PLCE1: variants seen among roughly 807,000 people sequenced by gnomAD.
The protein encoded by PLCE1 is phospholipase C epsilon 1.
Under a neutral mutation model 242.8 loss-of-function variants are expected in PLCE1, and 119 were observed. That is an observed-to-expected ratio of 0.49 (90% CI 0.42 to 0.57). The LOEUF is 0.57. PLCE1 is among the 20% of genes least tolerant of loss of function. The pLI is 0.00. For synonymous variants in PLCE1, 945 were observed against 1,017.4 expected (o/e 0.93, Z 1.35); for missense variants, 2,441 against 2,788.8 (o/e 0.88, Z 2.81).
intron 2 of PLCE1, among the ~76,000 whole-genome samples, chr10:94,061,194 T>C (rs1035544966): frequency 1.3e-5 from 2 of 152,164 alleles, no homozygotes; most frequent in Non-Finnish European, 2.9e-5. Flanking sequence ...GAGAGAACTT[T>C]CCACAAAACT....
intron 3 of PLCE1, among the ~76,000 whole-genome samples, chr10:94,151,918 CATTTTTTTCCT>C (rs1164827744): frequency 6.6e-6 from 1 of 152,158 alleles, no homozygotes; most frequent in Non-Finnish European, 1.5e-5. Flanking sequence ...TTGGCATAGT[CATTTTTTTCCT>C]ATTAGAAGTG....
chr10:94,182,425 T>C (rs2048343342), intron 4 of PLCE1, among the ~76,000 whole-genome samples: 1 of 147,396 alleles, frequency 6.8e-6, no homozygotes, highest in Non-Finnish European at 1.5e-5. Flanking sequence ...ACCACCACCC[T>C]TGGATAATTT....
chr10:94,284,051 G>A lies in PLCE1; in HGVS notation c.4917+140G>A, dbSNP rs1002431695. 8.9e-6 allele frequency: 9 copies of A among 1,009,076 alleles called. No individual in the cohort carries two copies. In the African/African-American group the frequency reaches 1.5e-4, roughly 16 times the overall value. The allele number at this position is 1,009,076 out of a possible 1,614,324, so 62.5% of individuals were successfully genotyped here. On this transcript the variant is annotated intron_variant, in intron 21 of 32. Coordinates refer to ENST00000371380, the MANE Select transcript of PLCE1 (RefSeq NM_016341.4). ...TTAGATACCTGCCAAAGTTCACTTG[G>A]TGATATTAAAAGACACCCACCTTCC... is the stretch of plus-strand genomic sequence containing the variant.
At chr10:94,094,155 A>T (rs2045207050) in intron 2 of PLCE1, among the ~76,000 whole-genome samples, 1 of 150,482 alleles carries the variant, frequency 6.6e-6, no homozygotes, top group Admixed American at 6.6e-5. Flanking sequence ...TTTAGCCGGG[A>T]TGGTCTCGAT....
intron 2 of PLCE1, among the ~76,000 whole-genome samples, chr10:94,111,582 G>A (rs2045957325): frequency 1.3e-5 from 2 of 152,140 alleles, no homozygotes; most frequent in South Asian, 2.1e-4. Context: ...TGGCTAGAGA[G>A]CCCCTGCAAG....
chr10:94,236,069 G>T lies in PLCE1; in HGVS notation c.2369G>T (p.Ser790Ile). The change falls in exon 7 of 33, where the codon AGT (serine) becomes ATT (isoleucine). Residue 790 changes from serine to isoleucine, a missense_variant. By Grantham distance (142) the Ser-to-Ile change is moderately radical. Coordinates refer to ENST00000371380, the MANE Select transcript of PLCE1 (RefSeq NM_016341.4). ...SLETDEEDSP[S>I]EGNSSRKSSL... ...GAGACAGACGAGGAGGACAGCCCCAGTGAAGGAAACAGCTCCAGGAAAAGC... is the reference window on the plus strand; with the variant it reads ...GAGACAGACGAGGAGGACAGCCCCATTGAAGGAAACAGCTCCAGGAAAAGC... 6.2e-7 allele frequency: 1 copy of T among 1,614,070 alleles called. No individual in the cohort carries two copies. The highest frequency in any genetic ancestry group is 8.5e-7 in the Non-Finnish European group (1 of 1,179,986).
intron 2 of PLCE1, chr10:94,108,940 A>G (rs776934645): frequency 7.9e-5 from 12 of 152,258 alleles, no homozygotes; most frequent in Admixed American, 2.0e-4. Context: ...ATGTCGTTTC[A>G]TATTTGATAG....
At chr10:94,243,548 G>C (rs1446719370) in intron 7 of PLCE1, among the ~76,000 whole-genome samples, 1 of 152,212 alleles carries the variant, frequency 6.6e-6, no homozygotes, top group East Asian at 1.9e-4. Context: ...GGAAATTTTT[G>C]TGTGAGGTAC....
chr10:94,324,528 T>A lies in PLCE1; in HGVS notation c.6681T>A (p.Gly2227=). 6.2e-7 allele frequency: 1 copy of A among 1,614,108 alleles called. No individual in the cohort carries two copies. The highest frequency in any genetic ancestry group is 8.5e-7 in the Non-Finnish European group (1 of 1,179,996). ...CVFQAQSKWK[G]AGKFILKLKE... ...TTCAAGCCCAAAGCAAGTGGAAAGGTGCAGGAAAATTCATCCTTAAGCTAA... is the reference window on the plus strand; with the variant it reads ...TTCAAGCCCAAAGCAAGTGGAAAGGAGCAGGAAAATTCATCCTTAAGCTAA... The change falls in exon 31 of 33, where the codon GGT becomes GGA. Residue 2227 remains glycine, a synonymous_variant. Coordinates refer to ENST00000371380, the MANE Select transcript of PLCE1 (RefSeq NM_016341.4).
intron 1 of PLCE1, among the ~76,000 whole-genome samples, chr10:94,018,995 A>G (rs1378800272): frequency 6.6e-6 from 1 of 152,244 alleles, no homozygotes; most frequent in Non-Finnish European, 1.5e-5. Flanking sequence ...ATATCAGGAA[A>G]TAATATTTGA....
chr10:94,006,375 TAAGGATCCATGA>T (rs1242982836), intron 1 of PLCE1, among the ~76,000 whole-genome samples: 3 of 152,322 alleles, frequency 2.0e-5, no homozygotes, highest in African/African-American at 7.2e-5. Flanking sequence ...TTTTAGAAGG[TAAGGATCCATGA>T]AAGGTTTCTA....
chr10:94,092,735 A>C (rs1405092523), intron 2 of PLCE1, among the ~76,000 whole-genome samples: 2 of 152,124 alleles, frequency 1.3e-5, no homozygotes, highest in East Asian at 3.9e-4. Context: ...AGAGAAACCC[A>C]CCTAGAAAGC....
intron 3 of PLCE1, among the ~76,000 whole-genome samples, chr10:94,162,934 AGGTTG>A (rs2047666079): frequency 6.6e-6 from 1 of 152,152 alleles, no homozygotes; most frequent in African/African-American, 2.4e-5. Context: ...ATTCAGGAGC[AGGTTG>A]TTCAGTTTCC....
intron 3 of PLCE1, among the ~76,000 whole-genome samples, chr10:94,158,592 ATTGT>A (rs1238028901): frequency 6.6e-6 from 1 of 152,128 alleles, no homozygotes; most frequent in African/African-American, 2.4e-5. Context: ...TATTTACAAG[ATTGT>A]TTATCACGGT....
Position 94,031,819 on chromosome 10 carries a change from C to T in PLCE1, c.773C>T (p.Thr258Ile), listed in dbSNP as rs1199755219. The T allele has an allele frequency of 2.5e-6, 4 of 1,613,576 alleles. No homozygotes were observed. The African/African-American group carries it at 5.3e-5, about 22-fold the overall frequency. The part of the protein sequence containing the change: ...NEQLQCDHCD[T>I]LNDKYFCFEG... ...CAGCTGCAGTGTGATCATTGTGACACCTTGAATGATAAATACTTTTGCTTT... is the reference window on the plus strand; with the variant it reads ...CAGCTGCAGTGTGATCATTGTGACATCTTGAATGATAAATACTTTTGCTTT... The change falls in exon 2 of 33, where the codon ACC (threonine) becomes ATC (isoleucine). Residue 258 changes from threonine to isoleucine, a missense_variant. Thr to Ile is a moderately conservative substitution (Grantham distance 89). Transcript: ENST00000371380.
chr10:94,313,360 A>G lies in PLCE1; in HGVS notation c.6110A>G (p.Lys2037Arg). 2 of 1,614,192 alleles carry G rather than the reference A, an allele frequency of 1.2e-6. No homozygotes were observed. Among genetic ancestry groups the G allele is most frequent in the Non-Finnish European group, 1.7e-6 (2 of 1,180,016 alleles). The part of the protein sequence containing the change: ...FTVFTINGGT[K>R]AKQLLQQILT... ...GTTTTCACTATTAATGGAGGCACCA[A>G]GGCAAAGCAGCTTCTGCAGCAAGTA... The change falls in exon 28 of 33, where the codon AAG becomes AGG. Residue 2037 changes from lysine to arginine, a missense_variant. Coordinates refer to ENST00000371380, the MANE Select transcript of PLCE1 (RefSeq NM_016341.4).
intron 22 of PLCE1, chr10:94,287,604 C>A (rs758900697): frequency 6.6e-6 from 1 of 152,016 alleles, no homozygotes; most frequent in Admixed American, 6.6e-5. Context: ...CCTGTCAGCT[C>A]CCAGGGGTGG....
chr10:94,233,140 CT>C (rs1032011948), intron 5 of PLCE1, among the ~76,000 whole-genome samples: 3 of 152,218 alleles, frequency 2.0e-5, no homozygotes, highest in Non-Finnish European at 4.4e-5. Context: ...GAGGGCCTCT[CT>C]TTAGAAGGTG....
intron 1 of PLCE1, among the ~76,000 whole-genome samples, chr10:93,998,324 G>A (rs561660890): frequency 2.0e-5 from 3 of 152,206 alleles, no homozygotes; most frequent in African/African-American, 4.8e-5. Context: ...GTAGTTTAGC[G>A]TGGCCTCTGC....
Sources: allele counts gnomAD v4.1 joint callset (sites outside exome capture counted in the v4.1 genomes callset), GRCh38; gene constraint gnomAD v4.1.1; transcripts MANE v1.5; gene names NCBI Gene and HGNC (gene_info 2026-07-23, HGNC 2026-07-21).